Variants in SLC35D4 observed in about 807,000 individuals in gnomAD.
The protein encoded by SLC35D4 is UDP-N-acetylglucosamine transporter SLC35D4.
the SLC35D4 span, among the ~76,000 whole-genome samples, chr18:23,318,637 T>C: frequency 6.6e-6 from 1 of 152,214 alleles, no homozygotes; most frequent in Non-Finnish European, 1.5e-5. Context: ...ACATGATTTA[T>C]CCAAATTATG....
At chr18:23,378,854 T>C in the SLC35D4 span, among the ~76,000 whole-genome samples, 1 of 152,190 alleles carries the variant, frequency 6.6e-6, no homozygotes, top group Non-Finnish European at 1.5e-5. Flanking sequence ...AACATGTGGC[T>C]TACTACAAAG....
the SLC35D4 span, among the ~76,000 whole-genome samples, chr18:23,381,289 A>G: frequency 6.6e-6 from 1 of 152,204 alleles, no homozygotes; most frequent in Non-Finnish European, 1.5e-5. Context: ...ATATATGTGC[A>G]TGGGAAAAAA....
the SLC35D4 span, chr18:23,421,416 G>A: frequency 1.2e-6 from 2 of 1,614,038 alleles, no homozygotes; most frequent in Non-Finnish European, 1.7e-6. Context: ...GACACATGAA[G>A]CAAAAGTCCA....
chr18:23,243,291 G>C, the SLC35D4 span, among the ~76,000 whole-genome samples: 1 of 151,832 alleles, frequency 6.6e-6, no homozygotes, highest in Non-Finnish European at 1.5e-5. Context: ...CAGTAGCTCC[G>C]CACTTCCCTA....
At chr18:23,309,519 T>G in the SLC35D4 span, among the ~76,000 whole-genome samples, 2 of 152,076 alleles carry the variant, frequency 1.3e-5, no homozygotes, top group Non-Finnish European at 2.9e-5. Flanking sequence ...ATACAAGTTT[T>G]TTTTTTTTTA....
the SLC35D4 span, among the ~76,000 whole-genome samples, chr18:23,332,024 C>T: frequency 6.6e-6 from 1 of 150,906 alleles, no homozygotes; most frequent in African/African-American, 2.4e-5. Flanking sequence ...GAGCTAGGAG[C>T]ACAGGCACAC....
At chr18:23,323,556 G>T in the SLC35D4 span, among the ~76,000 whole-genome samples, 1 of 152,164 alleles carries the variant, frequency 6.6e-6, no homozygotes, top group African/African-American at 2.4e-5. Context: ...CAGAGAGTGA[G>T]AACTTCTTAG....
chr18:23,298,999 C>T, the SLC35D4 span, among the ~76,000 whole-genome samples: 14 of 152,328 alleles, frequency 9.2e-5, no homozygotes, highest in South Asian at 2.9e-3. Flanking sequence ...ACGCTACATA[C>T]CCTGTGAAAA....
the SLC35D4 span, among the ~76,000 whole-genome samples, chr18:23,251,156 A>G: frequency 6.6e-6 from 1 of 152,198 alleles, no homozygotes; most frequent in Non-Finnish European, 1.5e-5. Flanking sequence ...TGACTGATTA[A>G]GATTATGGCA....
chr18:23,333,465 A>G, the SLC35D4 span, among the ~76,000 whole-genome samples: 3 of 152,368 alleles, frequency 2.0e-5, no homozygotes, highest in East Asian at 3.9e-4. Flanking sequence ...ACGAAATTTA[A>G]TAACTGCCAA....
chr18:23,389,664 G>A, the SLC35D4 span, among the ~76,000 whole-genome samples: 2 of 151,996 alleles, frequency 1.3e-5, no homozygotes, highest in Non-Finnish European at 2.9e-5. Context: ...CCACTCTGCC[G>A]AGTAGGTGGG....
chr18:23,240,120 C>A, the SLC35D4 span, among the ~76,000 whole-genome samples: 1 of 152,004 alleles, frequency 6.6e-6, no homozygotes, highest in South Asian at 2.1e-4. Context: ...CCTGTCTCAA[C>A]AAAACAAAAC....
At chr18:23,437,893 C>A in the SLC35D4 span, 1 of 1,590,262 alleles carries the variant, frequency 6.3e-7, no homozygotes, top group Non-Finnish European at 8.6e-7. Context: ...CGGTGCCTGC[C>A]CAAATCCCCT....
chr18:23,331,744 T>C, the SLC35D4 span, among the ~76,000 whole-genome samples: 1 of 152,054 alleles, frequency 6.6e-6, no homozygotes, highest in Admixed American at 6.6e-5. Flanking sequence ...CATTCACTCA[T>C]CCCGAATCCC....
At chr18:23,349,415 G>A in the SLC35D4 span, among the ~76,000 whole-genome samples, 5 of 152,162 alleles carry the variant, frequency 3.3e-5, no homozygotes, top group African/African-American at 7.2e-5. Flanking sequence ...GGTGGATCAC[G>A]AGGTCAGATA....
At chr18:23,305,534 G>A in the SLC35D4 span, among the ~76,000 whole-genome samples, 1 of 152,192 alleles carries the variant, frequency 6.6e-6, no homozygotes, top group African/African-American at 2.4e-5. Flanking sequence ...ACTTGGAAGA[G>A]TGTTATAAAA....
At chr18:23,385,486 T>C in the SLC35D4 span, among the ~76,000 whole-genome samples, 2 of 152,174 alleles carry the variant, frequency 1.3e-5, no homozygotes, top group Non-Finnish European at 2.9e-5. Flanking sequence ...GAATGAGAAC[T>C]GAACGATGAA....
At chr18:23,286,760 A>G in the SLC35D4 span, among the ~76,000 whole-genome samples, 56 of 152,096 alleles carry the variant, frequency 3.7e-4, no homozygotes, top group Middle Eastern at 6.8e-3. Flanking sequence ...CAACTTAGAC[A>G]ATACTCTTTT....
the SLC35D4 span, among the ~76,000 whole-genome samples, chr18:23,307,189 C>A: frequency 6.6e-6 from 1 of 152,192 alleles, no homozygotes; most frequent in African/African-American, 2.4e-5. Flanking sequence ...GAAGGATGAG[C>A]GACTTTCGCT....
Sources: allele counts gnomAD v4.1 joint callset (sites outside exome capture counted in the v4.1 genomes callset), GRCh38; gene constraint gnomAD v4.1.1; transcripts MANE v1.5; gene names NCBI Gene and HGNC (gene_info 2026-07-23, HGNC 2026-07-21).